RIMS1: variants seen among roughly 807,000 people sequenced by gnomAD.
RIMS1 encodes the protein regulating synaptic membrane exocytosis protein 1.
In RIMS1, 83 loss-of-function variants were observed where a neutral mutation model predicts 214.1. The observed-to-expected ratio is 0.39, with a 90% CI of 0.32 to 0.47. The LOEUF (loss-of-function observed/expected upper bound fraction) is 0.47, where lower values mean the gene tolerates loss of function less well. Among genes scored for constraint, RIMS1 ranks in the 20% least tolerant of loss-of-function variants. The pLI, the probability that RIMS1 is intolerant of heterozygous loss-of-function variation, is 0.99. For synonymous variants in RIMS1, 793 were observed against 786.8 expected, an observed-to-expected ratio of 1.01 and a Z score of -0.13; for missense variants, 2,050 against 2,161.8, an observed-to-expected ratio of 0.95 and a Z score of 1.03.
intron 23 of RIMS1, among the ~76,000 whole-genome samples, chr6:72,280,617 T>C (rs1457332052): frequency 6.6e-6 from 1 of 152,024 alleles, no homozygotes; most frequent in Non-Finnish European, 1.5e-5. Flanking sequence ...TAGAAGAATC[T>C]TTAATGGAGG....
At chr6:72,120,408 T>TGATGAGC (rs2153830141) in intron 4 of RIMS1, among the ~76,000 whole-genome samples, 1 of 152,088 alleles carries the variant, frequency 6.6e-6, no homozygotes. Context: ...TGGCCAGTGA[T>TGATGAGC]GATGAGCATT....
At chr6:71,951,872 T>A (rs1462075149) in intron 1 of RIMS1, among the ~76,000 whole-genome samples, 1 of 152,080 alleles carries the variant, frequency 6.6e-6, no homozygotes, top group African/African-American at 2.4e-5. Flanking sequence ...GTCTTTTGAC[T>A]CCTTGCCCTG....
At position 72,402,295 on chromosome 6, in the gene RIMS1, A is replaced by G. The variant is rs1473628668; in HGVS notation, c.*1581A>G. ...CTATACCGAAATAACCAAGAAATCT[A>G]AGCCATCCACTTTTGTTATAGACAT... On this transcript the variant is annotated 3_prime_UTR_variant, in exon 34 of 34. Coordinates refer to ENST00000521978, the MANE Select transcript of RIMS1 (RefSeq NM_014989.7). 6.6e-6 allele frequency: 1 copy of G among 152,654 alleles called. No individual in the cohort carries two copies. The highest frequency in any genetic ancestry group is 2.4e-5 in the African/African-American group (1 of 41,456). 9.5% of individuals were successfully genotyped at this position (152,654 alleles called of 1,614,324 possible).
chr6:71,976,346 A>G (rs943417106), intron 2 of RIMS1, among the ~76,000 whole-genome samples: 4 of 152,110 alleles, frequency 2.6e-5, no homozygotes, highest in African/African-American at 9.6e-5. Flanking sequence ...GGCTATTTCT[A>G]TATCTTCTTT....
intron 1 of RIMS1, among the ~76,000 whole-genome samples, chr6:71,929,356 T>C (rs1174230873): frequency 6.6e-6 from 1 of 152,146 alleles, no homozygotes; most frequent in Non-Finnish European, 1.5e-5. Context: ...TGGGAGCAGA[T>C]AGCTTTTATT....
chr6:71,984,369 T>C lies in RIMS1; in HGVS notation c.245+15306T>C, dbSNP rs1022670920. Among the ~76,000 whole-genome samples the C allele has an allele frequency of 3.2e-4, 49 of 151,988 alleles. 1 individual carries two copies. The highest frequency in any genetic ancestry group is 1.2e-3 in the African/African-American group (49 of 41,492). ...TGAAGGAAAAGAAAAAAAAAAACTG[T>C]ACTGCTGGAGCTACACTGTGACAAA... On this transcript the variant is annotated intron_variant, in intron 2 of 33. Coordinates refer to ENST00000521978, the MANE Select transcript of RIMS1 (RefSeq NM_014989.7).
At chr6:72,152,203 C>G (rs2043703920) in intron 4 of RIMS1, among the ~76,000 whole-genome samples, 2 of 152,174 alleles carry the variant, frequency 1.3e-5, no homozygotes, top group African/African-American at 2.4e-5. Flanking sequence ...TTTTAAGTGC[C>G]ATATTTCATT....
intron 2 of RIMS1, among the ~76,000 whole-genome samples, chr6:72,080,902 C>T (rs1455048985): frequency 1.3e-5 from 2 of 152,136 alleles, no homozygotes; most frequent in African/African-American, 4.8e-5. Flanking sequence ...CATTCAAAGT[C>T]CTCAGATGAT....
intron 23 of RIMS1, among the ~76,000 whole-genome samples, chr6:72,280,175 CA>C (rs1226190767): frequency 6.6e-6 from 1 of 151,804 alleles, no homozygotes; most frequent in Non-Finnish European, 1.5e-5. Context: ...ATCCATTCAA[CA>C]AATAATTATT....
Position 72,401,333 on chromosome 6 carries a change from C to T in RIMS1, c.*619C>T, listed in dbSNP as rs367800645. ...CTGAAGTAGTCTCTGTAGCATCTCC[C>T]CAAAGTGTTAAACAGCTACATAAGG... On this transcript the variant is annotated 3_prime_UTR_variant, in exon 34 of 34. Transcript: ENST00000521978. 3.3e-5 allele frequency: 5 copies of T among 152,558 alleles called. No homozygotes were observed. Among genetic ancestry groups the T allele is most frequent in the African/African-American group, 1.2e-4 (5 of 41,396 alleles). 9.5% of individuals were successfully genotyped at this position (152,558 alleles called of 1,614,324 possible).
chr6:72,104,112 T>C (rs1430308684), intron 4 of RIMS1, among the ~76,000 whole-genome samples: 3 of 152,160 alleles, frequency 2.0e-5, no homozygotes, highest in Non-Finnish European at 2.9e-5. Context: ...AAACAGGAAC[T>C]CTGAAATTTA....
At chr6:71,976,625 G>A (rs768744051) in intron 2 of RIMS1, among the ~76,000 whole-genome samples, 6 of 151,746 alleles carry the variant, frequency 4.0e-5, no homozygotes, top group Non-Finnish European at 7.4e-5. Flanking sequence ...TTTTTCTTTG[G>A]TTATTTGTGG....
intron 2 of RIMS1, among the ~76,000 whole-genome samples, chr6:72,015,250 G>A (rs1045441636): frequency 6.6e-6 from 1 of 152,174 alleles, no homozygotes; most frequent in African/African-American, 2.4e-5. Context: ...ATGAGGTCAG[G>A]TGTGCAATTT....
At chr6:72,202,421 A>C (rs1175517616) in intron 6 of RIMS1, among the ~76,000 whole-genome samples, 1 of 152,112 alleles carries the variant, frequency 6.6e-6, no homozygotes, top group Non-Finnish European at 1.5e-5. Context: ...CTCTCTCTGC[A>C]TGTTGTGTCC....
In RIMS1 at chr6:71,886,652, G is replaced by T. The variant is rs1673967334; in HGVS notation, c.-372G>T. On this transcript the variant is annotated 5_prime_UTR_variant, in exon 1 of 34. Coordinates refer to ENST00000521978, the MANE Select transcript of RIMS1 (RefSeq NM_014989.7). ...CAGCCCCGCCCCCGCCCCGCGCCCCGCCGGAGACGCCCGGATCGGCGGAGC... is the reference window on the plus strand; with the variant it reads ...CAGCCCCGCCCCCGCCCCGCGCCCCTCCGGAGACGCCCGGATCGGCGGAGC... The T allele has an allele frequency of 6.9e-6, 1 of 145,514 alleles. No individual in the cohort carries two copies. The highest frequency in any genetic ancestry group is 1.5e-5 in the Non-Finnish European group (1 of 65,682). 9.0% of individuals were successfully genotyped at this position (145,514 alleles called of 1,614,324 possible). A position where few individuals can be genotyped will look rare whatever the true frequency, so the allele number is the denominator to read the frequency against.
chr6:72,071,900 A>G (rs569918957), intron 2 of RIMS1, among the ~76,000 whole-genome samples: 1 of 152,358 alleles, frequency 6.6e-6, no homozygotes, highest in Non-Finnish European at 1.5e-5. Flanking sequence ...AGGACATAAC[A>G]GATAGCAGTC....
At chr6:72,307,753 C>CA (rs1211248892) in intron 27 of RIMS1, among the ~76,000 whole-genome samples, 2 of 151,284 alleles carry the variant, frequency 1.3e-5, no homozygotes, top group Non-Finnish European at 3.0e-5. Flanking sequence ...TCTAAAAAAA[C>CA]AAAAAAAGAA....
chr6:71,978,179 GTTC>G (rs1797632152), intron 2 of RIMS1, among the ~76,000 whole-genome samples: 1 of 152,126 alleles, frequency 6.6e-6, no homozygotes, highest in South Asian at 2.1e-4. Flanking sequence ...GAGGGTCACT[GTTC>G]TTTGAATGCG....
chr6:71,920,408 C>A (rs1429100018), intron 1 of RIMS1, among the ~76,000 whole-genome samples: 3 of 152,088 alleles, frequency 2.0e-5, no homozygotes, highest in African/African-American at 7.2e-5. Flanking sequence ...GTTATGTGAA[C>A]TCTCTTTACT....
Sources: allele counts gnomAD v4.1 joint callset (sites outside exome capture counted in the v4.1 genomes callset), GRCh38; gene constraint gnomAD v4.1.1; transcripts MANE v1.5; gene names NCBI Gene and HGNC (gene_info 2026-07-23, HGNC 2026-07-21).